MAP2: variants seen among roughly 807,000 people sequenced by gnomAD.
MAP2 encodes microtubule associated protein 2, also known as microtubule-associated protein 2.
MAP2 carries 14 observed loss-of-function variants against 137.6 expected under a neutral mutation model. The ratio of observed to expected loss-of-function variants is 0.10; its 90% CI spans 0.07 to 0.16. The LOEUF (loss-of-function observed/expected upper bound fraction) is 0.16, where lower values mean the gene tolerates loss of function less well. MAP2 is among the 10% of genes least tolerant of loss of function. MAP2 has a pLI of 1.00. For missense variants in MAP2, 2,088 were observed against 2,191.5 expected (o/e 0.95, Z 0.94); for synonymous variants, 786 against 782.3 (o/e 1.00, Z -0.08).
At chr2:209,587,569 C>T (rs908250922) in intron 3 of MAP2, among the ~76,000 whole-genome samples, 4 of 152,110 alleles carry the variant, frequency 2.6e-5, no homozygotes, top group Admixed American at 1.3e-4. Context: ...TTTCTGCCTC[C>T]AGTGCTAGAA....
chr2:209,647,540 T>C (rs1033357199), intron 4 of MAP2, among the ~76,000 whole-genome samples: 4 of 152,210 alleles, frequency 2.6e-5, no homozygotes, highest in African/African-American at 9.7e-5. Context: ...TTTATTATGC[T>C]GATATACTAT....
intron 1 of MAP2, among the ~76,000 whole-genome samples, chr2:209,435,984 TATATATTATATACTATATATACA>T (rs1695979604): frequency 1.4e-4 from 12 of 88,642 alleles, no homozygotes; most frequent in African/African-American, 7.5e-4. Context: ...ATATATACAG[TATATATTATATACTATATATACA>T]GTATATATTA....
intron 2 of MAP2, among the ~76,000 whole-genome samples, chr2:209,554,580 G>A (rs750098683): frequency 1.3e-5 from 2 of 152,014 alleles, no homozygotes; most frequent in African/African-American, 2.4e-5. Context: ...TTGAGCATAG[G>A]AGTTTAAGAC....
rs2075941044 is a variant in MAP2, at chr2:209,732,779, A to ATGT, written c.*2382_*2383insTGT. ...TACATGTCAAAAATAAAGATTATAC[A>ATGT]AGGCACCAAACTACTAGATTTGGCA... On this transcript the variant is annotated 3_prime_UTR_variant, in exon 16 of 16. Transcript: ENST00000682079. 1 of 152,662 alleles carries ATGT rather than the reference A, an allele frequency of 6.6e-6. No individual in the cohort carries two copies. Among genetic ancestry groups the ATGT allele is most frequent in the Admixed American group, 6.5e-5 (1 of 15,286 alleles). 9.5% of individuals were successfully genotyped at this position (152,662 alleles called of 1,614,324 possible).
At chr2:209,495,684 A>T (rs1280139774) in intron 1 of MAP2, among the ~76,000 whole-genome samples, 1 of 152,342 alleles carries the variant, frequency 6.6e-6, no homozygotes, top group Admixed American at 6.5e-5. Flanking sequence ...TAAAAATAGT[A>T]TCTGCTGTGT....
At chr2:209,503,125 G>A (rs1393698220) in intron 1 of MAP2, among the ~76,000 whole-genome samples, 4 of 150,942 alleles carry the variant, frequency 2.7e-5, no homozygotes, top group African/African-American at 7.3e-5. Context: ...TCAGCCTCCT[G>A]GGTAGCTGGG....
At chr2:209,540,097 TAAAAAA>T (rs35280709) in intron 2 of MAP2, among the ~76,000 whole-genome samples, 12 of 39,528 alleles carry the variant, frequency 3.0e-4, no homozygotes, top group South Asian at 1.1e-3. Flanking sequence ...GGAGACGTTG[TAAAAAA>T]AAAAAAAAAA....
chr2:209,568,742 G>A (rs1213438846), intron 2 of MAP2, among the ~76,000 whole-genome samples: 1 of 151,836 alleles, frequency 6.6e-6, no homozygotes, highest in Non-Finnish European at 1.5e-5. Context: ...GGCCCCACTT[G>A]TGGAGAATTT....
At chr2:209,441,758 A>G (rs573376783) in intron 1 of MAP2, among the ~76,000 whole-genome samples, 2 of 151,724 alleles carry the variant, frequency 1.3e-5, no homozygotes, top group East Asian at 3.9e-4. Context: ...TAGGACACTT[A>G]GAAGTTGAAT....
At chr2:209,436,011 T>C (rs1205028159) in intron 1 of MAP2, among the ~76,000 whole-genome samples, 3 of 61,570 alleles carry the variant, frequency 4.9e-5, no homozygotes, top group African/African-American at 6.2e-4. Context: ...ATATACAGTA[T>C]ATATTATATA....
At chr2:209,455,938 C>T (rs1473289881) in intron 1 of MAP2, among the ~76,000 whole-genome samples, 2 of 151,184 alleles carry the variant, frequency 1.3e-5, no homozygotes, top group Non-Finnish European at 3.0e-5. Context: ...TATTATTAAA[C>T]ATGATATCTA....
chr2:209,448,436 G>A (rs1425546944), intron 1 of MAP2, among the ~76,000 whole-genome samples: 1 of 152,060 alleles, frequency 6.6e-6, no homozygotes, highest in East Asian at 1.9e-4. Flanking sequence ...CTACATACTA[G>A]GACTAAAGAG....
In MAP2 at chr2:209,434,833, C is replaced by CTCTA. The variant is rs397966694; in HGVS notation, c.-222+10558_-222+10559insCTAT. The stretch of plus-strand genomic sequence containing the variant: ...CCAGATCCTCTCTCTCTCTCTCTCT[C>CTCTA]TATATATATATATATGTTATATATA... On this transcript the variant is annotated intron_variant, in intron 1 of 15. Coordinates refer to ENST00000682079, the MANE Select transcript of MAP2 (RefSeq NM_001375505.1). Among the ~76,000 whole-genome samples, 191 of 93,162 alleles carry CTCTA rather than the reference C, an allele frequency of 2.1e-3. 2 individuals carry two copies. Among genetic ancestry groups the CTCTA allele is most frequent in the Middle Eastern group, 0.016 (3 of 184 alleles). The allele number at this position is 93,162 out of a possible 152,430, so 61.1% of individuals were successfully genotyped here. A position where few individuals can be genotyped will look rare whatever the true frequency, so the allele number is the denominator to read the frequency against.
chr2:209,524,242 C>A (rs536932942), intron 2 of MAP2, among the ~76,000 whole-genome samples: 2 of 152,084 alleles, frequency 1.3e-5, no homozygotes, highest in Admixed American at 1.3e-4. Context: ...AATTTAGAAT[C>A]AATTTTAATA....
At chr2:209,528,790 A>G (rs1231918262) in intron 2 of MAP2, among the ~76,000 whole-genome samples, 1 of 148,122 alleles carries the variant, frequency 6.8e-6, no homozygotes, top group East Asian at 2.0e-4. Flanking sequence ...ATGTATGTAT[A>G]TATGTACATG....
At chr2:209,705,772 T>C in intron 12 of MAP2, 45 bp downstream of exon 12, 2 of 1,526,074 alleles carry the variant, frequency 1.3e-6, no homozygotes. Flanking sequence ...ACTTTTTAAA[T>C]CCTTTAAGTG....
chr2:209,664,298 C>T (rs2045190459), intron 5 of MAP2, among the ~76,000 whole-genome samples: 2 of 152,112 alleles, frequency 1.3e-5, no homozygotes, highest in Admixed American at 6.5e-5. Context: ...GCCTGTAATC[C>T]CAGCACTTTG....
Position 209,695,477 on chromosome 2 carries a change from A to G in MAP2, c.3307A>G (p.Thr1103Ala). The G allele has an allele frequency of 6.2e-7, 1 of 1,614,176 alleles. No individual in the cohort carries two copies. Among genetic ancestry groups the G allele is most frequent in the Non-Finnish European group, 8.5e-7 (1 of 1,180,032 alleles). The change falls in exon 8 of 16, where the codon ACT becomes GCT. Residue 1103 changes from threonine (T) to alanine (A), a missense_variant. By Grantham distance (58) the Thr-to-Ala change is moderately conservative (BLOSUM62 0). Coordinates refer to ENST00000682079, the MANE Select transcript of MAP2 (RefSeq NM_001375505.1). ...GVESGHMKEG[T>A]KVSETEVKEK... ...TGAGTCTGGCCACATGAAAGAAGGC[A>G]CTAAAGTTAGTGAGACAGAAGTCAA...
rs117806123 is a variant in MAP2 at position 209,481,209 on chromosome 2, G to T, written c.-221-26383G>T. ...GGGAAGGAGAAGGAAACAGGAATGG[G>T]CAGAGGGAGAACTTGAGCTGCTTTG... On this transcript the variant is annotated intron_variant, in intron 1 of 15. Coordinates refer to ENST00000682079, the MANE Select transcript of MAP2 (RefSeq NM_001375505.1). Among the ~76,000 whole-genome samples, 9 of 152,308 alleles carry T rather than the reference G, an allele frequency of 5.9e-5. No homozygotes were observed. The East Asian group carries it at 1.7e-3, about 29-fold the overall frequency.
Sources: gnomAD v4.1 joint callset for allele counts (sites outside exome capture counted in the v4.1 genomes callset) on GRCh38, gnomAD v4.1.1 for gene constraint, MANE v1.5 for transcripts, NCBI Gene and HGNC (gene_info 2026-07-23, HGNC 2026-07-21) for gene names.